The following EMSY variants were observed in gnomAD, a reference collection of about 807,000 sequenced individuals.
The protein encoded by EMSY is BRCA2-interacting transcriptional repressor EMSY.
Under a neutral mutation model 134.6 loss-of-function variants are expected in EMSY, and 26 were observed. The ratio of observed to expected loss-of-function variants is 0.19; its 90% confidence interval spans 0.14 to 0.27. The LOEUF is 0.27. EMSY is among the 10% of genes least tolerant of loss of function. The pLI, the probability that EMSY is intolerant of heterozygous loss-of-function variation, is 1.00. For missense variants in EMSY, 1,305 were observed against 1,611.4 expected (o/e 0.81, Z 3.26); for synonymous variants, 579 against 577.8 (o/e 1.00, Z -0.03).
chr11:76,545,744 G>A (rs1951621753), intron 19 of EMSY, 53 bp from the exon 21 acceptor site: 11 of 1,530,344 alleles, frequency 7.2e-6, no homozygotes, highest in Non-Finnish European at 8.8e-6. Context: ...TGTTTGATTA[G>A]ATTTTCTCAA....
At chr11:76,458,105 A>G in intron 4 of EMSY, 78 bp from the exon 6 acceptor site, 1 of 1,360,148 alleles carries the variant, frequency 7.4e-7, no homozygotes, top group Admixed American at 2.5e-5. Context: ...TTAAAAAGTT[A>G]TATATGTTTG....
At chr11:76,540,689 C>T (rs933901778) in intron 17 of EMSY, among the ~76,000 whole-genome samples, 1 of 152,090 alleles carries the variant, frequency 6.6e-6, no homozygotes, top group Non-Finnish European at 1.5e-5. Context: ...ACATTGATTT[C>T]CATAGTGATC....
chr11:76,506,445 A>G (rs1411675226), intron 9 of EMSY, among the ~76,000 whole-genome samples: 3 of 152,246 alleles, frequency 2.0e-5, no homozygotes, highest in Non-Finnish European at 2.9e-5. Flanking sequence ...AAGTCAAAAG[A>G]CAAATAAACT....
At chr11:76,532,755 A>G (rs1277885675) in intron 14 of EMSY, among the ~76,000 whole-genome samples, 1 of 152,200 alleles carries the variant, frequency 6.6e-6, no homozygotes, top group Non-Finnish European at 1.5e-5. Flanking sequence ...GGAATAAGGC[A>G]TGAGTCAAAT....
At chr11:76,448,201 G>T (rs560363350) in intron 2 of EMSY, among the ~76,000 whole-genome samples, 1 of 152,254 alleles carries the variant, frequency 6.6e-6, no homozygotes, top group Middle Eastern at 3.4e-3. Flanking sequence ...AATCATAGCT[G>T]CTCTGGCCCT....
intron 9 of EMSY, among the ~76,000 whole-genome samples, chr11:76,497,765 A>G (rs1420099858): frequency 2.0e-5 from 3 of 152,002 alleles, no homozygotes; most frequent in African/African-American, 7.2e-5. Context: ...TTAAAAATTT[A>G]TTGAATTTTT....
chr11:76,464,083 A>G lies in EMSY; in HGVS notation c.831+3A>G. 1 of 1,614,088 alleles carries G rather than the reference A, an allele frequency of 6.2e-7. No homozygotes were observed. The highest frequency in any genetic ancestry group is 8.5e-7 in the Non-Finnish European group (1 of 1,179,972). On this transcript the variant is annotated splice_donor_region_variant and intron_variant, in intron 7 of 20. Transcript: ENST00000334736. Reference sequence around the variant, plus strand: ...CAACAAACACAACAACACAGAAGGTATGTGGTGGAGGGAGTCTCTGCCTGC... The same window carrying G: ...CAACAAACACAACAACACAGAAGGTGTGTGGTGGAGGGAGTCTCTGCCTGC...
chr11:76,453,219 C>T lies in EMSY; in HGVS notation c.171-95C>T, dbSNP rs1947737784. On this transcript the variant is annotated intron_variant, in intron 3 of 20. Transcript: ENST00000334736. ...CTTTTCACAAAGCAATCTTGTCCCC[C>T]TTCTCCCCCCAAAAATGTTGACTTA... The T allele has an allele frequency of 2.8e-5, 31 of 1,110,644 alleles. 1 individual carries two copies. The East Asian group carries it at 8.0e-4, about 29-fold the overall frequency. 68.8% of individuals were successfully genotyped at this position (1,110,644 alleles called of 1,614,324 possible). A position where few individuals can be genotyped will look rare whatever the true frequency, so the allele number is the denominator to read the frequency against.
At chr11:76,496,283 C>G (rs1367991939) in exon 9 of EMSY, 1 of 1,613,930 alleles carries the variant, frequency 6.2e-7, no homozygotes, top group South Asian at 1.1e-5. Context: ...AGTGAGTGCC[C>G]CAACTCAGAT....
intron 11 of EMSY, among the ~76,000 whole-genome samples, chr11:76,522,516 C>T (rs367716342): frequency 5.9e-5 from 9 of 151,532 alleles, no homozygotes; most frequent in East Asian, 3.9e-4. Flanking sequence ...TACAGGCGCC[C>T]GCCGCCACCC....
rs79815989 is a variant in EMSY, at chr11:76,506,180, A to T, written c.1364-7206A>T. On this transcript the variant is annotated intron_variant, in intron 9 of 20. Coordinates refer to ENST00000334736, the Ensembl canonical transcript of EMSY. ...TCCAGGGCATTAAAAAAAAACTTTC[A>T]AAATTCTTTCTTGGAAATACACATA... is the stretch of plus-strand genomic sequence containing the variant. Among the ~76,000 whole-genome samples, 776 of 152,258 alleles carry T rather than the reference A, an allele frequency of 5.1e-3. 18 individuals are homozygous for T. In the East Asian group the frequency reaches 0.059, roughly 12 times the overall value.
intron 8 of EMSY, among the ~76,000 whole-genome samples, chr11:76,473,663 A>T (rs546167377): frequency 2.8e-4 from 43 of 152,256 alleles, no homozygotes; most frequent in Non-Finnish European, 5.9e-4. Flanking sequence ...CTGAAGAGCA[A>T]CTGAGACCTG....
chr11:76,464,652 C>T (rs550498367), intron 7 of EMSY, among the ~76,000 whole-genome samples: 17 of 152,298 alleles, frequency 1.1e-4, no homozygotes, highest in Non-Finnish European at 1.6e-4. Flanking sequence ...TAATGGCTCT[C>T]TAGGCTTGTT....
In EMSY at chr11:76,496,480, AATGTTTAT is replaced by A. The variant is rs763533857; in HGVS notation, c.1363+13_1363+20del. ...TCAAACAGGAGTCAGGTAACTGGAAAATGTTTATAAGATATGGTAATTCTTCTTTATTC... is the reference window on the plus strand; with the variant it reads ...TCAAACAGGAGTCAGGTAACTGGAAAAAGATATGGTAATTCTTCTTTATTC... On this transcript the variant is annotated intron_variant, in intron 9 of 20. Coordinates refer to ENST00000334736, the Ensembl canonical transcript of EMSY. The A allele has an allele frequency of 1.1e-5, 18 of 1,613,274 alleles. No homozygotes were observed. The Admixed American group carries it at 3.0e-4, about 27-fold the overall frequency.
chr11:76,484,621 A>C (rs1051168282), intron 8 of EMSY, among the ~76,000 whole-genome samples: 1 of 152,102 alleles, frequency 6.6e-6, no homozygotes, highest in African/African-American at 2.4e-5. Context: ...TACTATAAAC[A>C]CCTCTACGCA....
At chr11:76,464,170 G>C in intron 7 of EMSY, 90 bp downstream of exon 8, 2 of 1,468,964 alleles carry the variant, frequency 1.4e-6, no homozygotes, top group Non-Finnish European at 1.9e-6. Context: ...TGCTTACTAT[G>C]TGCTTGGCAT....
chr11:76,503,764 C>A (rs1410116926), intron 9 of EMSY, among the ~76,000 whole-genome samples: 2 of 152,034 alleles, frequency 1.3e-5, no homozygotes, highest in Non-Finnish European at 2.9e-5. Context: ...AGTTAGATAT[C>A]AAAAACTGCT....
chr11:76,536,388 C>T (rs1340151651), intron 15 of EMSY, among the ~76,000 whole-genome samples: 1 of 152,148 alleles, frequency 6.6e-6, no homozygotes, highest in Admixed American at 6.5e-5. Context: ...TCTATCACTT[C>T]TAAGCACAAG....
intron 8 of EMSY, among the ~76,000 whole-genome samples, chr11:76,495,935 T>C (rs1472765279): frequency 6.6e-6 from 1 of 152,226 alleles, no homozygotes; most frequent in Non-Finnish European, 1.5e-5. Context: ...GGGAACATCC[T>C]GTCTGATAAT....
Sources: gnomAD v4.1 joint callset for allele counts (sites outside exome capture counted in the v4.1 genomes callset) on GRCh38, gnomAD v4.1.1 for gene constraint, MANE v1.5 for transcripts, NCBI Gene and HGNC (gene_info 2026-07-23, HGNC 2026-07-21) for gene names.